The following RHOJ variants were observed in gnomAD, a reference collection of about 807,000 sequenced individuals.
RHOJ encodes ras homolog family member J, also known as rho-related GTP-binding protein RhoJ.
RHOJ carries 11 observed loss-of-function variants against 23.4 expected under a neutral mutation model. The ratio of observed to expected loss-of-function variants is 0.47; its 90% CI spans 0.30 to 0.78. RHOJ has a LOEUF of 0.78. Among genes scored for constraint, RHOJ ranks in the 30% least tolerant of loss-of-function variants. RHOJ has a pLI of 0.08. For missense variants in RHOJ, 254 were observed against 273.4 expected (o/e 0.93, Z 0.50); for synonymous variants, 102 against 102.7 (o/e 0.99, Z 0.04).
chr14:63,227,985 T>C (rs1894625497), intron 1 of RHOJ, among the ~76,000 whole-genome samples: 1 of 152,196 alleles, frequency 6.6e-6, no homozygotes. Flanking sequence ...TATGCCCCGT[T>C]AAGTTATTGG....
chr14:63,264,645 G>T (rs1895334949), intron 1 of RHOJ, among the ~76,000 whole-genome samples: 1 of 152,222 alleles, frequency 6.6e-6, no homozygotes, highest in South Asian at 2.1e-4. Flanking sequence ...CACTAATAGT[G>T]TATAAGGTTT....
chr14:63,270,059 G>A (rs1335439757), intron 2 of RHOJ, among the ~76,000 whole-genome samples: 1 of 151,944 alleles, frequency 6.6e-6, no homozygotes, highest in Non-Finnish European at 1.5e-5. Context: ...GGGTTGTTCA[G>A]TCTGTCCAAA....
At chr14:63,251,895 C>T (rs1190729841) in intron 1 of RHOJ, among the ~76,000 whole-genome samples, 1 of 152,008 alleles carries the variant, frequency 6.6e-6, no homozygotes, top group Non-Finnish European at 1.5e-5. Context: ...CCGAGGCAGG[C>T]TGATCACTTG....
intron 2 of RHOJ, among the ~76,000 whole-genome samples, chr14:63,277,148 C>T (rs1175763698): frequency 3.3e-5 from 5 of 152,182 alleles, no homozygotes; most frequent in Admixed American, 2.6e-4. Flanking sequence ...AGGCTAAATA[C>T]CCCATCCTGG....
chr14:63,230,899 G>A (rs1206895350), intron 1 of RHOJ, among the ~76,000 whole-genome samples: 1 of 146,956 alleles, frequency 6.8e-6, no homozygotes, highest in Non-Finnish European at 1.5e-5. Context: ...GGAGTGCAGT[G>A]GTGTGATCTC....
intron 1 of RHOJ, among the ~76,000 whole-genome samples, chr14:63,228,570 G>A (rs995938575): frequency 6.6e-6 from 1 of 151,568 alleles, no homozygotes; most frequent in African/African-American, 2.4e-5. Flanking sequence ...TGATAAAGTT[G>A]TATGTGAAAA....
At chr14:63,211,419 C>T (rs1488377029) in intron 1 of RHOJ, among the ~76,000 whole-genome samples, 1 of 152,104 alleles carries the variant, frequency 6.6e-6, no homozygotes, top group Non-Finnish European at 1.5e-5. Context: ...GAGCCATGAT[C>T]ATGCGACTGC....
At chr14:63,236,153 C>A (rs1894785395) in intron 1 of RHOJ, among the ~76,000 whole-genome samples, 1 of 152,184 alleles carries the variant, frequency 6.6e-6, no homozygotes, top group Non-Finnish European at 1.5e-5. Flanking sequence ...TTACGGCCAA[C>A]AAGTTCCAAG....
Position 63,257,999 on chromosome 14 carries a change from G to T in RHOJ, c.179-11111G>T, listed in dbSNP as rs1895206161. On this transcript the variant is annotated intron_variant, in intron 1 of 4. Coordinates refer to ENST00000316754, the MANE Select transcript of RHOJ (RefSeq NM_020663.5). Reference sequence around the variant, plus strand: ...CCCAGCACTTTGCGAGGCCGAGGCGGGTGGATCACCTGAGGTCAGGAGTTC... The same window carrying T: ...CCCAGCACTTTGCGAGGCCGAGGCGTGTGGATCACCTGAGGTCAGGAGTTC... Among the ~76,000 whole-genome samples, 2 of 149,600 alleles carry T rather than the reference G, an allele frequency of 1.3e-5. 1 individual carries two copies. The highest frequency in any genetic ancestry group is 3.0e-5 in the Non-Finnish European group (2 of 67,364).
chr14:63,216,556 T>C (rs895384180), intron 1 of RHOJ, among the ~76,000 whole-genome samples: 2 of 152,232 alleles, frequency 1.3e-5, no homozygotes, highest in African/African-American at 4.8e-5. Flanking sequence ...AACAAGGCTA[T>C]GCTCTCTCTC....
intron 1 of RHOJ, among the ~76,000 whole-genome samples, chr14:63,211,330 T>C (rs753678648): frequency 1.2e-4 from 19 of 152,154 alleles, no homozygotes; most frequent in Admixed American, 1.2e-3. Context: ...CACCCGAGAG[T>C]CTCTCATATC....
rs1210250349 is a variant in RHOJ at position 63,234,896 on chromosome 14, A to T, written c.178+29849A>T. Among the ~76,000 whole-genome samples, 158 of 152,174 alleles carry T rather than the reference A, an allele frequency of 1.0e-3. 1 individual carries two copies. The highest frequency in any genetic ancestry group is 4.1e-4 in the Non-Finnish European group (28 of 68,038). On this transcript the variant is annotated intron_variant, in intron 1 of 4. Coordinates refer to ENST00000316754, the MANE Select transcript of RHOJ (RefSeq NM_020663.5). ...TTCCAATCATTTGCTAAACATATCC[A>T]CTGAGGCATGGTGCCCCGTTAAAGA...
rs904988081 is a variant in RHOJ, at chr14:63,292,711, G to A, written c.*1687G>A. On this transcript the variant is annotated 3_prime_UTR_variant, in exon 5 of 5. Coordinates refer to ENST00000316754, the MANE Select transcript of RHOJ (RefSeq NM_020663.5). ...TGCCTGTAATCCCAACACTTAGGGA[G>A]GCTGAGGTGGGTGGGCCGCTTGAGC... 1.3e-5 allele frequency: 2 copies of A among 152,206 alleles called. No homozygotes were observed. Among genetic ancestry groups the A allele is most frequent in the East Asian group, 1.9e-4 (1 of 5,196 alleles). The allele number at this position is 152,206 out of a possible 1,614,324, so 9.4% of individuals were successfully genotyped here. A position where few individuals can be genotyped will look rare whatever the true frequency, so the allele number is the denominator to read the frequency against.
At chr14:63,234,362 C>T (rs1220650893) in intron 1 of RHOJ, among the ~76,000 whole-genome samples, 1 of 152,168 alleles carries the variant, frequency 6.6e-6, no homozygotes, top group Non-Finnish European at 1.5e-5. Context: ...GGGCAGATAT[C>T]ATGTTCTGTT....
chr14:63,251,235 C>T (rs1439284589), intron 1 of RHOJ, among the ~76,000 whole-genome samples: 1 of 152,128 alleles, frequency 6.6e-6, no homozygotes, highest in Non-Finnish European at 1.5e-5. Flanking sequence ...GATGCCCTAG[C>T]ACCCAGCTTT....
intron 3 of RHOJ, among the ~76,000 whole-genome samples, chr14:63,281,872 C>T (rs140768070): frequency 3.9e-5 from 6 of 152,220 alleles, no homozygotes; most frequent in East Asian, 3.9e-4. Context: ...TAGGAATATA[C>T]GAATACTGAA....
At chr14:63,253,947 T>A (rs1895117505) in intron 1 of RHOJ, among the ~76,000 whole-genome samples, 1 of 151,848 alleles carries the variant, frequency 6.6e-6, no homozygotes, top group Admixed American at 6.6e-5. Flanking sequence ...TCGCTGGGAG[T>A]CAGATTTGGA....
At chr14:63,242,802 C>T (rs1894907396) in intron 1 of RHOJ, among the ~76,000 whole-genome samples, 1 of 152,134 alleles carries the variant, frequency 6.6e-6, no homozygotes, top group African/African-American at 2.4e-5. Context: ...TGTCAACAGA[C>T]CTATACAACC....
At chr14:63,240,405 C>G (rs931959427) in intron 1 of RHOJ, among the ~76,000 whole-genome samples, 9 of 152,160 alleles carry the variant, frequency 5.9e-5, no homozygotes, top group African/African-American at 2.2e-4. Flanking sequence ...TCCCACATTT[C>G]TTTAGGAATT....
Sources: allele counts gnomAD v4.1 joint callset (sites outside exome capture counted in the v4.1 genomes callset), GRCh38; gene constraint gnomAD v4.1.1; transcripts MANE v1.5; gene names NCBI Gene and HGNC (gene_info 2026-07-23, HGNC 2026-07-21).